The following TTC21A variants were observed in gnomAD, a reference collection of about 807,000 sequenced individuals.
TTC21A encodes tetratricopeptide repeat domain 21A, also known as tetratricopeptide repeat protein 21A.
A neutral mutation model predicts 156.4 loss-of-function variants in TTC21A; 128 were observed. That is an observed-to-expected ratio of 0.82 (90% CI 0.71 to 0.95). TTC21A has a LOEUF of 0.95. TTC21A is among the 40% of genes least tolerant of loss of function. The pLI is 0.00. For missense variants in TTC21A, 1,435 were observed against 1,602.3 expected, an observed-to-expected ratio of 0.90 and a Z score of 1.78; for synonymous variants, 587 against 617.1, an observed-to-expected ratio of 0.95 and a Z score of 0.72.
rs73826224 is a variant in TTC21A, at chr3:39,128,945, G to A, written c.1896+13G>A. The A allele has an allele frequency of 7.8e-4, 1,259 of 1,613,888 alleles. 10 individuals are homozygous for A. The African/African-American group carries it at 0.013, about 17-fold the overall frequency. On this transcript the variant is annotated intron_variant, in intron 14 of 28. Coordinates refer to ENST00000683103, the MANE Select transcript of TTC21A (RefSeq NM_001366900.1). ...GAATGGGGAGCTAGTAAGAAATGCC[G>A]TGCTCTCTTCCCTGGGGACTGGGGC...
intron 5 of TTC21A, among the ~76,000 whole-genome samples, chr3:39,113,390 C>T (rs1032075572): frequency 6.6e-6 from 1 of 152,202 alleles, no homozygotes; most frequent in Non-Finnish European, 1.5e-5. Flanking sequence ...TGAATAGTCA[C>T]AGCAAAGGCC....
At position 39,138,553 on chromosome 3, in the gene TTC21A, T is replaced by C. The variant is rs767465686; in HGVS notation, c.3797-3T>C. 3 of 1,614,210 alleles carry C rather than the reference T, an allele frequency of 1.9e-6. No individual in the cohort carries two copies. The African/African-American group carries it at 4.0e-5, about 22-fold the overall frequency. ...CCATCTTTGCTCTCCATGTCCCCGGTAGGCTTCAAACTTGCTTTCAACTAC... is the reference window on the plus strand; with the variant it reads ...CCATCTTTGCTCTCCATGTCCCCGGCAGGCTTCAAACTTGCTTTCAACTAC... On this transcript the variant is annotated splice_region_variant and splice_polypyrimidine_tract_variant and intron_variant, in intron 27 of 28. Coordinates refer to ENST00000683103, the MANE Select transcript of TTC21A (RefSeq NM_001366900.1).
At chr3:39,119,635 A>AAAAAAAAG (rs571743923) in intron 7 of TTC21A, 17,885 of 198,440 alleles carry the variant, frequency 0.09, 1,272 homozygotes, top group African/African-American at 0.22. Flanking sequence ...AGCAGTCAAA[A>AAAAAAAAG]AAAAAAAAGA....
At chr3:39,117,746 C>T (rs1368499439) in intron 6 of TTC21A, among the ~76,000 whole-genome samples, 1 of 152,126 alleles carries the variant, frequency 6.6e-6, no homozygotes, top group East Asian at 1.9e-4. Flanking sequence ...GGATAATGCT[C>T]ACATGGTCCA....
At chr3:39,121,538 C>G (rs1416439492) in intron 9 of TTC21A, among the ~76,000 whole-genome samples, 1 of 152,164 alleles carries the variant, frequency 6.6e-6, no homozygotes, top group Admixed American at 6.5e-5. Context: ...ACCACCAGTC[C>G]CCACATGCAG....
intron 23 of TTC21A, 173 bp downstream of exon 23, chr3:39,136,680 G>A: frequency 3.0e-6 from 3 of 1,014,976 alleles, no homozygotes; most frequent in Non-Finnish European, 2.8e-6. Flanking sequence ...GTCAGGGAGA[G>A]CCTGCAGCCT....
rs1443421270 is a variant in TTC21A at position 39,134,418 on chromosome 3, A to C, written c.2862+90A>C. The stretch of plus-strand genomic sequence containing the variant: ...GATGCAGGCTACTTCCTAGCCCCGT[A>C]ACCTCAGATGCCTCACTGACACACC... On this transcript the variant is annotated intron_variant, in intron 21 of 28. Coordinates refer to ENST00000683103, the MANE Select transcript of TTC21A (RefSeq NM_001366900.1). The surrounding 1 kb of genome is among the most constrained non-coding windows in gnomAD (Gnocchi z 4.6). 2 of 907,208 alleles carry C rather than the reference A, an allele frequency of 2.2e-6. No individual in the cohort carries two copies. The highest frequency in any genetic ancestry group is 3.7e-6 in the Non-Finnish European group (2 of 537,206). 56.2% of individuals were successfully genotyped at this position (907,208 alleles called of 1,614,324 possible). A position where few individuals can be genotyped will look rare whatever the true frequency, so the allele number is the denominator to read the frequency against.
Position 39,130,842 on chromosome 3 carries a change from G to A in TTC21A, c.2458+3G>A, listed in dbSNP as rs372797171. ...GCAGGCACTGGAACATGACATTGGT[G>A]AGGCAGCATTGTAACCCATTTCTAG... is the stretch of plus-strand genomic sequence containing the variant. On this transcript the variant is annotated splice_donor_region_variant and intron_variant, in intron 18 of 28. Coordinates refer to ENST00000683103, the MANE Select transcript of TTC21A (RefSeq NM_001366900.1). The surrounding 1 kb of genome is among the most constrained non-coding windows in gnomAD (Gnocchi z 4.5). 6 of 1,614,064 alleles carry A rather than the reference G, an allele frequency of 3.7e-6. No homozygotes were observed. The African/African-American group carries it at 8.0e-5, about 22-fold the overall frequency.
In TTC21A at chr3:39,133,094, G is replaced by A; in HGVS notation, c.2605G>A (p.Glu869Lys). ...QSRILKRVPL[E>K]QPEMIPSQKQ... ...TCGGATACTGAAGCGAGTTCCACTG[G>A]AGCAACCAGAAATGATTCCCTCCCA... Residue 869 changes from glutamate to lysine, a missense_variant, in exon 20 of 29, where the codon GAG (glutamate) becomes AAG (lysine). Transcript: ENST00000683103. 1 of 1,614,226 alleles carries A rather than the reference G, an allele frequency of 6.2e-7. No homozygotes were observed. Among genetic ancestry groups the A allele is most frequent in the Non-Finnish European group, 8.5e-7 (1 of 1,180,042 alleles).
chr3:39,129,962 G>C (rs2038597306), intron 15 of TTC21A, 117 bp from the exon 16 acceptor site: 1 of 1,071,068 alleles, frequency 9.3e-7, no homozygotes, highest in African/African-American at 1.6e-5. Flanking sequence ...TATAAATATT[G>C]ATTGATGAAT....
intron 26 of TTC21A, 45 bp downstream of exon 26, chr3:39,137,755 AT>A: frequency 6.4e-7 from 1 of 1,553,208 alleles, no homozygotes; most frequent in Non-Finnish European, 8.7e-7. Flanking sequence ...GGCGGAAAGG[AT>A]TCTAGGCATT....
At position 39,138,232 on chromosome 3, in the gene TTC21A, C is replaced by T. The variant is rs370507548; in HGVS notation, c.3676-35C>T. 1.6e-4 allele frequency: 251 copies of T among 1,613,130 alleles called. 1 individual carries two copies. The highest frequency in any genetic ancestry group is 1.4e-3 in the Admixed American group (81 of 59,952). ...GGCCCAGGGAACCAGTTGGGGCTTC[C>T]GCTCTGCAGAGGCTCTAACTGGCTT... On this transcript the variant is annotated intron_variant, in intron 26 of 28. Coordinates refer to ENST00000683103, the MANE Select transcript of TTC21A (RefSeq NM_001366900.1).
chr3:39,120,637 C>T (rs2037693260), intron 8 of TTC21A, among the ~76,000 whole-genome samples: 1 of 152,236 alleles, frequency 6.6e-6, no homozygotes, highest in African/African-American at 2.4e-5. Context: ...TTGTTCTCCA[C>T]ACATGGCAGG....
chr3:39,108,164 C>G, intron 1 of TTC21A: 1 of 567,794 alleles, frequency 1.8e-6, no homozygotes, highest in Non-Finnish European at 3.1e-6. Flanking sequence ...GCCTGCGCCT[C>G]CCACCCCAGT....
At chr3:39,126,626 TACACACACACACAC>T (rs58486401) in intron 12 of TTC21A, among the ~76,000 whole-genome samples, 1 of 147,602 alleles carries the variant, frequency 6.8e-6, no homozygotes, top group Non-Finnish European at 1.5e-5. Flanking sequence ...CCTGGTGTAC[TACACACACACACAC>T]ACACACACAC....
chr3:39,137,386 A>T lies in TTC21A; in HGVS notation c.3449A>T (p.Glu1150Val). 6.2e-7 allele frequency: 1 copy of T among 1,612,436 alleles called. No individual in the cohort carries two copies. Reference sequence around the variant, plus strand: ...AGCTTCATCCAGATAGCGCAGGCTGAGGTGTGGCTGGTGGGGACTGGCGGG... The same window carrying T: ...AGCTTCATCCAGATAGCGCAGGCTGTGGTGTGGCTGGTGGGGACTGGCGGG... ...LGSFIQIAQA[E>V]KDSVPALLAL... Residue 1150 changes from glutamate (E) to valine (V), a missense_variant and splice_region_variant, in exon 25 of 29, where the codon GAG (glutamate) becomes GTG (valine). Glu to Val is a moderately radical substitution (Grantham distance 121). Transcript: ENST00000683103.
rs753542511 is a variant in TTC21A, at chr3:39,128,363, C to T, written c.1555C>T (p.Arg519Cys). 6 of 1,614,188 alleles carry T rather than the reference C, an allele frequency of 3.7e-6. No individual in the cohort carries two copies. Among genetic ancestry groups the T allele is most frequent in the Non-Finnish European group, 5.1e-6 (6 of 1,180,036 alleles). ...AGAGAATGCCCAGAGCATCCTGCAG[C>T]GTTGCCTGGAGCTGGACCCCGCCTC... ...ELENAQSILQ[R>C]CLELDPASVD... Residue 519 changes from arginine to cysteine, a missense_variant, in exon 13 of 29, where the codon CGT becomes TGT. By Grantham distance (180) the Arg-to-Cys change is radical (BLOSUM62 -3). Transcript: ENST00000683103.
At chr3:39,112,356 C>A in intron 4 of TTC21A, 102 bp from the exon 5 acceptor site, 1 of 1,233,696 alleles carries the variant, frequency 8.1e-7, no homozygotes, top group East Asian at 2.3e-5. Flanking sequence ...CTGTGCCTGG[C>A]AGGGCCTCAG....
intron 6 of TTC21A, among the ~76,000 whole-genome samples, chr3:39,115,110 G>GT (rs938592191): frequency 6.4e-4 from 98 of 152,254 alleles, no homozygotes; most frequent in Non-Finnish European, 1.1e-3. Context: ...CATTATTAAG[G>GT]TTTTTTTAAA....
Sources: allele counts gnomAD v4.1 joint callset (sites outside exome capture counted in the v4.1 genomes callset), GRCh38; gene constraint gnomAD v4.1.1; non-coding constraint Gnocchi (gnomAD v3.1); transcripts MANE v1.5; gene names NCBI Gene and HGNC (gene_info 2026-07-23, HGNC 2026-07-21).